Variants in SNTB1 observed in about 807,000 individuals in gnomAD.
SNTB1 encodes beta-1-syntrophin.
Under a neutral mutation model 48.9 loss-of-function variants are expected in SNTB1, and 36 were observed. The ratio of observed to expected loss-of-function variants is 0.74; its 90% CI spans 0.56 to 0.97. The LOEUF (loss-of-function observed/expected upper bound fraction) is 0.97. SNTB1 is among the 50% of genes least tolerant of loss of function. SNTB1 has a pLI of 0.00. For missense variants in SNTB1, 786 were observed against 703.4 expected, an observed-to-expected ratio of 1.12 and a Z score of -1.33; for synonymous variants, 299 against 294.6, an observed-to-expected ratio of 1.01 and a Z score of -0.15.
chr8:120,631,532 C>T (rs999225617), intron 3 of SNTB1, among the ~76,000 whole-genome samples: 1 of 152,084 alleles, frequency 6.6e-6, no homozygotes, highest in African/African-American at 2.4e-5. Flanking sequence ...TGTGACGTTC[C>T]CTATTCCCAT....
chr8:120,584,461 AGTG>A (rs1816104143), intron 3 of SNTB1, among the ~76,000 whole-genome samples: 1 of 100,296 alleles, frequency 1.0e-5, no homozygotes, highest in African/African-American at 3.8e-5. Context: ...AAAAAAAAAA[AGTG>A]TAGTAATTTA....
chr8:120,623,609 T>C (rs1816827176), intron 3 of SNTB1, among the ~76,000 whole-genome samples: 1 of 152,216 alleles, frequency 6.6e-6, no homozygotes. Context: ...TGTGAGTATA[T>C]GTGACTAATA....
chr8:120,664,275 T>C (rs950674080), intron 2 of SNTB1, among the ~76,000 whole-genome samples: 3 of 152,188 alleles, frequency 2.0e-5, no homozygotes, highest in African/African-American at 2.4e-5. Context: ...GGGAACATGA[T>C]GACCAAGGAC....
At position 120,535,886 on chromosome 8, in the gene SNTB1, C is replaced by A. The variant is rs1456255379; in HGVS notation, c.*2991G>T. ...CCCCTCACTGTAGCCTACTCCAATC[C>A]CCTCAAGACGGAATATCTAACGTGT... On this transcript the variant is annotated 3_prime_UTR_variant, in exon 7 of 7. Coordinates refer to ENST00000517992, the MANE Select transcript of SNTB1 (RefSeq NM_021021.4). 3 of 152,036 alleles carry A rather than the reference C, an allele frequency of 2.0e-5. No individual in the cohort carries two copies. The highest frequency in any genetic ancestry group is 4.4e-5 in the Non-Finnish European group (3 of 68,016). 9.4% of individuals were successfully genotyped at this position (152,036 alleles called of 1,614,324 possible).
At chr8:120,810,454 T>C (rs1399389433) in intron 1 of SNTB1, among the ~76,000 whole-genome samples, 1 of 152,114 alleles carries the variant, frequency 6.6e-6, no homozygotes, top group Non-Finnish European at 1.5e-5. Flanking sequence ...AGAGAGTAGT[T>C]TCTAGGCTCT....
At position 120,648,803 on chromosome 8, in the gene SNTB1, C is replaced by G. The variant is rs574376750; in HGVS notation, c.789-16152G>C. Among the ~76,000 whole-genome samples the G allele has an allele frequency of 8.0e-4, 122 of 152,332 alleles. 3 individuals carry two copies. The East Asian group carries it at 0.022, about 28-fold the overall frequency. Reference sequence around the variant, plus strand: ...ATTCTCCCCATCACTTTCAGGTACACCAATCAGATGTAGATTTGGTCTTTT... The same window carrying G: ...ATTCTCCCCATCACTTTCAGGTACAGCAATCAGATGTAGATTTGGTCTTTT... On this transcript the variant is annotated intron_variant, in intron 2 of 6. Coordinates refer to ENST00000517992, the MANE Select transcript of SNTB1 (RefSeq NM_021021.4).
chr8:120,639,129 T>A (rs1413617662), intron 2 of SNTB1, among the ~76,000 whole-genome samples: 1 of 152,266 alleles, frequency 6.6e-6, no homozygotes, highest in East Asian at 1.9e-4. Context: ...GATTTGCATT[T>A]CTCTGATGGC....
Position 120,545,300 on chromosome 8 carries a change from T to C in SNTB1, c.1334-3300A>G, listed in dbSNP as rs146300780. Among the ~76,000 whole-genome samples the C allele has an allele frequency of 3.3e-4, 50 of 152,242 alleles. 1 individual carries two copies. Among genetic ancestry groups the C allele is most frequent in the African/African-American group, 1.1e-3 (47 of 41,552 alleles). On this transcript the variant is annotated intron_variant, in intron 5 of 6. Coordinates refer to ENST00000517992, the MANE Select transcript of SNTB1 (RefSeq NM_021021.4). ...CGGAGGTTGCAGGGAGCCGAGATCA[T>C]GCCATTGCACTCCAGCCTGGGCAAC...
chr8:120,673,073 C>T (rs1309068495), intron 2 of SNTB1, among the ~76,000 whole-genome samples: 1 of 152,146 alleles, frequency 6.6e-6, no homozygotes, highest in Admixed American at 6.5e-5. Context: ...ACCCTGGATG[C>T]TGGTAGCATC....
intron 1 of SNTB1, among the ~76,000 whole-genome samples, chr8:120,781,011 C>A (rs1819823218): frequency 6.6e-6 from 1 of 152,190 alleles, no homozygotes; most frequent in Non-Finnish European, 1.5e-5. Context: ...CTGTGCTATG[C>A]CCCGTGATCA....
At chr8:120,761,806 T>C (rs943124318) in intron 1 of SNTB1, among the ~76,000 whole-genome samples, 2 of 152,198 alleles carry the variant, frequency 1.3e-5, no homozygotes, top group African/African-American at 4.8e-5. Context: ...TAACATTGAA[T>C]AGATATAGGA....
intron 3 of SNTB1, among the ~76,000 whole-genome samples, chr8:120,595,300 G>C (rs1290874834): frequency 2.6e-5 from 4 of 152,130 alleles, no homozygotes; most frequent in African/African-American, 9.7e-5. Flanking sequence ...AAGACCTTGT[G>C]GATAAAACAG....
intron 2 of SNTB1, among the ~76,000 whole-genome samples, chr8:120,670,525 G>T (rs1817742200): frequency 1.3e-5 from 2 of 152,220 alleles, no homozygotes; most frequent in South Asian, 4.1e-4. Flanking sequence ...GGGTTGGTGG[G>T]TAGGGAAGTG....
intron 4 of SNTB1, among the ~76,000 whole-genome samples, chr8:120,565,089 T>A (rs1815728437): frequency 6.6e-6 from 1 of 151,966 alleles, no homozygotes; most frequent in Admixed American, 6.6e-5. Flanking sequence ...TATTTCTTAA[T>A]TTTTTAGTTT....
At chr8:120,686,397 A>G (rs961767862) in intron 2 of SNTB1, among the ~76,000 whole-genome samples, 2 of 152,174 alleles carry the variant, frequency 1.3e-5, no homozygotes, top group African/African-American at 4.8e-5. Context: ...TGTCTGGTGA[A>G]GGTGTGTTCC....
rs111363227 is a variant in SNTB1 at position 120,668,524 on chromosome 8, G to T, written c.788+25168C>A. ...TGATGTTCTAAGTGACAGATAATTA[G>T]ATTGTATTTGCTTCAGGTTAGTTGA... On this transcript the variant is annotated intron_variant, in intron 2 of 6. Coordinates refer to ENST00000517992, the MANE Select transcript of SNTB1 (RefSeq NM_021021.4). Among the ~76,000 whole-genome samples, 985 of 152,240 alleles carry T rather than the reference G, an allele frequency of 6.5e-3. 14 individuals are homozygous for T. The Middle Eastern group carries it at 0.082, about 13-fold the overall frequency.
At chr8:120,797,185 C>T (rs567407750) in intron 1 of SNTB1, among the ~76,000 whole-genome samples, 2 of 152,068 alleles carry the variant, frequency 1.3e-5, no homozygotes, top group Non-Finnish European at 2.9e-5. Context: ...TACAAAAACA[C>T]GGTGTCCTGT....
chr8:120,777,782 A>G (rs1223189170), intron 1 of SNTB1, among the ~76,000 whole-genome samples: 1 of 152,238 alleles, frequency 6.6e-6, no homozygotes, highest in Non-Finnish European at 1.5e-5. Context: ...GCCTACTGTC[A>G]GGTAATAGGA....
Position 120,630,177 on chromosome 8 carries a change from C to A in SNTB1, c.996+2267G>T, listed in dbSNP as rs117163342. 4.3e-3 allele frequency among the ~76,000 whole-genome samples: 654 copies of A among 152,312 alleles called. 5 individuals carry two copies. The highest frequency in any genetic ancestry group is 6.1e-3 in the Non-Finnish European group (413 of 68,032). On this transcript the variant is annotated intron_variant, in intron 3 of 6. Coordinates refer to ENST00000517992, the MANE Select transcript of SNTB1 (RefSeq NM_021021.4). ...TCTACCTTTCCCATCCTTCTCTGTA[C>A]CCTGGAAGACTCACTTTAAGAGTGC...
Sources: allele counts gnomAD v4.1 joint callset (sites outside exome capture counted in the v4.1 genomes callset), GRCh38; gene constraint gnomAD v4.1.1; transcripts MANE v1.5; gene names NCBI Gene and HGNC (gene_info 2026-07-23, HGNC 2026-07-21).